The following KIF26B variants were observed in gnomAD, a reference collection of about 807,000 sequenced individuals.
KIF26B encodes kinesin-like protein KIF26B.
KIF26B carries 63 observed loss-of-function variants against 151.2 expected under a neutral mutation model. The ratio of observed to expected loss-of-function variants is 0.42; its 90% CI spans 0.34 to 0.51. KIF26B has a LOEUF of 0.51. Ranked by LOEUF, KIF26B falls within the 20% of genes least tolerant of loss-of-function variation. KIF26B has a pLI of 0.07. For missense variants in KIF26B, 2,813 were observed against 2,913.6 expected, an observed-to-expected ratio of 0.97 and a Z score of 0.79; for synonymous variants, 1,357 against 1,262.1, an observed-to-expected ratio of 1.08 and a Z score of -1.59.
chr1:245,171,933 A>G (rs1461216846), intron 2 of KIF26B, among the ~76,000 whole-genome samples: 1 of 152,252 alleles, frequency 6.6e-6, no homozygotes, highest in African/African-American at 2.4e-5. Flanking sequence ...GTAGTCATTC[A>G]TTAAATGTGA....
At chr1:245,464,553 G>A (rs1659729768) in intron 4 of KIF26B, among the ~76,000 whole-genome samples, 1 of 149,476 alleles carries the variant, frequency 6.7e-6, no homozygotes, top group South Asian at 2.1e-4. Context: ...GCGTGGGTGT[G>A]TTCCTGTGTG....
intron 4 of KIF26B, among the ~76,000 whole-genome samples, chr1:245,420,067 C>G (rs1308558692): frequency 6.6e-6 from 1 of 152,164 alleles, no homozygotes; most frequent in African/African-American, 2.4e-5. Context: ...AGTCGCTGCT[C>G]TCTTGATGTG....
chr1:245,349,509 ACACACAGTACT>A (rs1339602830), intron 2 of KIF26B, among the ~76,000 whole-genome samples: 3 of 151,264 alleles, frequency 2.0e-5, no homozygotes, highest in African/African-American at 7.3e-5. Context: ...AACCTATGAA[ACACACAGTACT>A]CACTCATTAA....
intron 9 of KIF26B, among the ~76,000 whole-genome samples, chr1:245,645,441 C>G (rs1378645551): frequency 6.6e-6 from 1 of 152,212 alleles, no homozygotes. Flanking sequence ...TGTACTTCAG[C>G]AGCAGAGGTA....
At chr1:245,673,008 G>A (rs890722005) in intron 10 of KIF26B, among the ~76,000 whole-genome samples, 1 of 152,100 alleles carries the variant, frequency 6.6e-6, no homozygotes, top group Non-Finnish European at 1.5e-5. Flanking sequence ...GCCCCATAAT[G>A]CACCCAGTCC....
intron 2 of KIF26B, among the ~76,000 whole-genome samples, chr1:245,196,795 A>G (rs1473725733): frequency 6.6e-6 from 1 of 152,184 alleles, no homozygotes; most frequent in Non-Finnish European, 1.5e-5. Context: ...TTTTAAGGAA[A>G]TGATTGCCGG....
chr1:245,462,561 G>A (rs1659674124), intron 4 of KIF26B, among the ~76,000 whole-genome samples: 1 of 152,134 alleles, frequency 6.6e-6, no homozygotes, highest in Admixed American at 6.5e-5. Context: ...TCACAGCAAT[G>A]GATTCCTTTA....
chr1:245,654,610 T>C (rs1302447446), intron 10 of KIF26B, among the ~76,000 whole-genome samples: 2 of 152,218 alleles, frequency 1.3e-5, no homozygotes, highest in Non-Finnish European at 2.9e-5. Flanking sequence ...TGGGAGAAAC[T>C]GCAGGACTCC....
At chr1:245,561,904 G>A (rs911610304) in intron 5 of KIF26B, among the ~76,000 whole-genome samples, 22 of 152,168 alleles carry the variant, frequency 1.4e-4, no homozygotes, top group African/African-American at 4.8e-5. Context: ...AGGTGGTCCT[G>A]CCTCTTCTCA....
chr1:245,695,592 C>G (rs941673437), intron 12 of KIF26B, among the ~76,000 whole-genome samples: 1 of 152,224 alleles, frequency 6.6e-6, no homozygotes, highest in African/African-American at 2.4e-5. Flanking sequence ...CCTAACCTGA[C>G]AGTGGGCACT....
intron 5 of KIF26B, among the ~76,000 whole-genome samples, chr1:245,556,814 CAGG>C (rs1296106442): frequency 6.6e-6 from 1 of 152,214 alleles, no homozygotes. Context: ...GCTGAGTTTA[CAGG>C]TGCAAGCCAC....
chr1:245,292,844 G>C (rs568764363), intron 2 of KIF26B, among the ~76,000 whole-genome samples: 3 of 152,260 alleles, frequency 2.0e-5, no homozygotes, highest in African/African-American at 7.2e-5. Context: ...TAACAACACA[G>C]CTTCCTCCTA....
intron 5 of KIF26B, among the ~76,000 whole-genome samples, chr1:245,582,984 C>T (rs774832999): frequency 4.6e-5 from 7 of 152,082 alleles, no homozygotes; most frequent in East Asian, 3.9e-4. Flanking sequence ...GAGGTGGCAG[C>T]GGCCATAATT....
At chr1:245,324,949 G>A (rs191399421) in intron 2 of KIF26B, among the ~76,000 whole-genome samples, 49 of 151,928 alleles carry the variant, frequency 3.2e-4, no homozygotes, top group Non-Finnish European at 6.5e-4. Context: ...ACAAAAATTA[G>A]CCAGGTGTGG....
At chr1:245,532,541 A>C (rs1035777407) in intron 4 of KIF26B, among the ~76,000 whole-genome samples, 3 of 152,156 alleles carry the variant, frequency 2.0e-5, no homozygotes, top group Non-Finnish European at 4.4e-5. Context: ...GGAAATTTTT[A>C]AGGGTAAATT....
At chr1:245,581,252 G>A (rs1290358352) in intron 5 of KIF26B, among the ~76,000 whole-genome samples, 1 of 152,182 alleles carries the variant, frequency 6.6e-6, no homozygotes, top group African/African-American at 2.4e-5. Flanking sequence ...ACAACAGTTG[G>A]TATCACCTGG....
intron 2 of KIF26B, among the ~76,000 whole-genome samples, chr1:245,217,617 G>A (rs373488476): frequency 3.3e-5 from 5 of 152,006 alleles, no homozygotes; most frequent in South Asian, 2.1e-4. Flanking sequence ...TGATCTGCTC[G>A]CCTCAGCCTC....
At chr1:245,567,641 C>A (rs959232872) in intron 5 of KIF26B, among the ~76,000 whole-genome samples, 2 of 152,204 alleles carry the variant, frequency 1.3e-5, no homozygotes, top group Non-Finnish European at 2.9e-5. Context: ...CCAAACCATG[C>A]TGCTCCCCCA....
rs568427164 is a variant in KIF26B at position 245,564,449 on chromosome 1, G to T, written c.1350+23499G>T. ...GGTGCCACTGTGGTTTGTTCTCCCC[G>T]TTCAAGTGTTGCTGACTGGTGGGGA... On this transcript the variant is annotated intron_variant, in intron 5 of 14. Coordinates refer to ENST00000407071, the MANE Select transcript of KIF26B (RefSeq NM_018012.4). This position sits in a 1 kb window ranked among gnomAD's most constrained non-coding sequence, Gnocchi z 4.6. Among the ~76,000 whole-genome samples the T allele has an allele frequency of 7.2e-5, 11 of 152,082 alleles. No individual in the cohort carries two copies. The highest frequency in any genetic ancestry group is 1.6e-4 in the Non-Finnish European group (11 of 68,012).
Sources: gnomAD v4.1 joint callset for allele counts (sites outside exome capture counted in the v4.1 genomes callset) on GRCh38, gnomAD v4.1.1 for gene constraint, Gnocchi (gnomAD v3.1) non-coding constraint, MANE v1.5 for transcripts, NCBI Gene and HGNC (gene_info 2026-07-23, HGNC 2026-07-21) for gene names.